Variants in ESRRG observed in about 807,000 individuals in gnomAD.
The protein encoded by ESRRG is estrogen-related receptor gamma.
Under a neutral mutation model 44.0 loss-of-function variants are expected in ESRRG, and 13 were observed. The ratio of observed to expected loss-of-function variants is 0.30; its 90% CI spans 0.19 to 0.47. ESRRG has a LOEUF of 0.47. ESRRG is among the 20% of genes least tolerant of loss of function. The pLI, the probability that ESRRG is intolerant of heterozygous loss-of-function variation, is 1.00. For missense variants in ESRRG, 395 were observed against 580.6 expected (o/e 0.68, Z 3.29); for synonymous variants, 215 against 214.6 (o/e 1.00, Z -0.02).
chr1:217,133,621 CTTTCTTTCTT>C (rs1177559622), intron 1 of ESRRG, among the ~76,000 whole-genome samples: 6 of 25,244 alleles, frequency 2.4e-4, no homozygotes, highest in East Asian at 1.0e-3. Context: ...TTCTTTCTTT[CTTTCTTTCTT>C]TCTCTCTCTC....
At chr1:217,111,654 A>G (rs2092662913) in intron 1 of ESRRG, among the ~76,000 whole-genome samples, 1 of 152,110 alleles carries the variant, frequency 6.6e-6, no homozygotes, top group African/African-American at 2.4e-5. Context: ...CCCCCACCCC[A>G]CTGTGAAACC....
chr1:216,673,242 C>T (rs552595513), intron 2 of ESRRG, among the ~76,000 whole-genome samples: 8 of 152,174 alleles, frequency 5.3e-5, no homozygotes, highest in African/African-American at 1.4e-4. Context: ...CTATCACTAC[C>T]GTATTTGGCC....
At chr1:216,540,269 C>T (rs965083822) in intron 5 of ESRRG, among the ~76,000 whole-genome samples, 6 of 151,992 alleles carry the variant, frequency 3.9e-5, no homozygotes, top group African/African-American at 1.2e-4. Flanking sequence ...TGTAAACTTC[C>T]GTACTCTATG....
chr1:216,610,323 C>A lies in ESRRG; in HGVS notation c.589+40650G>T, dbSNP rs535409033. ...CTGAGCTGAGAAAAATATAGGCTTA[C>A]AATATGCCCATCAACCAGCTTAATC... On this transcript the variant is annotated intron_variant, in intron 3 of 6. Transcript: ENST00000408911. Among the ~76,000 whole-genome samples, 12 of 151,814 alleles carry A rather than the reference C, an allele frequency of 7.9e-5. 1 individual carries two copies. In the South Asian group the frequency reaches 2.3e-3, roughly 29 times the overall value.
chr1:216,741,289 G>GTAATTTATATTATATAGTTTATGTTTA, intron 2 of ESRRG, among the ~76,000 whole-genome samples: 1 of 140,678 alleles, frequency 7.1e-6, no homozygotes, highest in African/African-American at 2.6e-5. Context: ...ATTTATATTT[G>GTAATTTATATTATATAGTTTATGTTTA]TAATTTATAT....
intron 2 of ESRRG, among the ~76,000 whole-genome samples, chr1:216,888,407 A>G (rs1278028817): frequency 1.3e-5 from 2 of 152,198 alleles, no homozygotes; most frequent in Non-Finnish European, 2.9e-5. Flanking sequence ...TAATTCGCTA[A>G]ATTTCTGAGA....
chr1:216,979,243 T>C (rs1039078058), intron 1 of ESRRG, among the ~76,000 whole-genome samples: 1 of 152,142 alleles, frequency 6.6e-6, no homozygotes, highest in Non-Finnish European at 1.5e-5. Context: ...AGACTTTCCT[T>C]ACAGGGAGTT....
chr1:216,901,659 C>T (rs1421000540), intron 2 of ESRRG, among the ~76,000 whole-genome samples: 1 of 152,164 alleles, frequency 6.6e-6, no homozygotes, highest in Admixed American at 6.5e-5. Context: ...GTGTAAGCCA[C>T]CACACCAGCC....
chr1:216,542,383 T>G (rs193275173), intron 5 of ESRRG, among the ~76,000 whole-genome samples: 16 of 152,020 alleles, frequency 1.1e-4, no homozygotes, highest in African/African-American at 3.9e-4. Context: ...TAGCTATAGC[T>G]CTTAAATACA....
At chr1:216,589,625 A>G (rs116347913) in intron 3 of ESRRG, among the ~76,000 whole-genome samples, 183 of 152,154 alleles carry the variant, frequency 1.2e-3, no homozygotes, top group African/African-American at 4.2e-3. Flanking sequence ...AAGGGAAGAG[A>G]AACCATTAAG....
chr1:217,086,223 A>T (rs1385914032), intron 1 of ESRRG, among the ~76,000 whole-genome samples: 1 of 152,242 alleles, frequency 6.6e-6, no homozygotes, highest in African/African-American at 2.4e-5. Flanking sequence ...ATCTGCATTT[A>T]AATGGATATA....
intron 5 of ESRRG, among the ~76,000 whole-genome samples, chr1:216,548,980 G>T (rs772591032): frequency 2.6e-5 from 4 of 152,038 alleles, no homozygotes; most frequent in Non-Finnish European, 5.9e-5. Flanking sequence ...GACCTAGCAG[G>T]CCAAATGATT....
chr1:217,028,202 T>G (rs769293847), intron 1 of ESRRG, among the ~76,000 whole-genome samples: 6 of 152,180 alleles, frequency 3.9e-5, no homozygotes, highest in Admixed American at 1.3e-4. Context: ...ACTTCAGCTT[T>G]ATGGAAGAAA....
chr1:216,671,496 A>G (rs1323422670), intron 2 of ESRRG, among the ~76,000 whole-genome samples: 1 of 152,214 alleles, frequency 6.6e-6, no homozygotes, highest in Non-Finnish European at 1.5e-5. Flanking sequence ...GCCTCTGGGT[A>G]TCCCAGTCAT....
At chr1:216,723,774 C>G (rs2086912432), upstream of ESRRG, among the ~76,000 whole-genome samples, 1 of 151,850 alleles carries the variant, frequency 6.6e-6, no homozygotes, top group Non-Finnish European at 1.5e-5. Context: ...AGAAACATAA[C>G]TAACTTAACT....
chr1:217,040,244 C>A (rs2083604010), intron 1 of ESRRG, among the ~76,000 whole-genome samples: 1 of 152,030 alleles, frequency 6.6e-6, no homozygotes, highest in Admixed American at 6.6e-5. Context: ...GGTATTTGGA[C>A]TGGTCATGGA....
chr1:216,744,130 T>C (rs61819772), intron 2 of ESRRG, among the ~76,000 whole-genome samples: 2 of 151,882 alleles, frequency 1.3e-5, no homozygotes, highest in Non-Finnish European at 2.9e-5. Context: ...AGCCATAGAG[T>C]TCAGTCTTGG....
At chr1:216,668,484 T>G (rs1321866878) in intron 2 of ESRRG, among the ~76,000 whole-genome samples, 1 of 152,198 alleles carries the variant, frequency 6.6e-6, no homozygotes, top group East Asian at 1.9e-4. Context: ...ACACCAGAGA[T>G]TCTTTTTTCT....
intron 2 of ESRRG, among the ~76,000 whole-genome samples, chr1:216,857,380 A>C (rs189288855): frequency 1.1e-3 from 174 of 152,004 alleles, no homozygotes; most frequent in African/African-American, 4.1e-3. Context: ...AAAAAAAGAA[A>C]AAAACTTTAA....
Sources: allele counts gnomAD v4.1 joint callset (sites outside exome capture counted in the v4.1 genomes callset), GRCh38; gene constraint gnomAD v4.1.1; transcripts MANE v1.5; gene names NCBI Gene and HGNC (gene_info 2026-07-23, HGNC 2026-07-21).